Variants in DBT observed in about 807,000 individuals in gnomAD.
The protein encoded by DBT is dihydrolipoamide branched chain transacylase E2, also known as lipoamide acyltransferase component of branched-chain alpha-keto acid dehydrogenase complex, mitochondrial.
A neutral mutation model predicts 51.3 loss-of-function variants in DBT; 40 were observed. The ratio of observed to expected loss-of-function variants is 0.78; its 90% CI spans 0.61 to 1.02. The LOEUF (loss-of-function observed/expected upper bound fraction) is 1.02. Among genes scored for constraint, DBT ranks in the 50% least tolerant of loss-of-function variants. The pLI, the probability that DBT is intolerant of heterozygous loss-of-function variation, is 0.00. For missense variants in DBT, 510 were observed against 580.2 expected (o/e 0.88, Z 1.24); for synonymous variants, 181 against 190.4 (o/e 0.95, Z 0.41).
At chr1:100,213,112 C>T (rs1239066948) in intron 7 of DBT, among the ~76,000 whole-genome samples, 1 of 152,368 alleles carries the variant, frequency 6.6e-6, no homozygotes, top group South Asian at 2.1e-4. Flanking sequence ...ACAAGTTTCT[C>T]AACCTCTCTG....
intron 7 of DBT, among the ~76,000 whole-genome samples, chr1:100,213,063 C>T (rs1005964786): frequency 2.0e-5 from 3 of 152,236 alleles, no homozygotes; most frequent in African/African-American, 7.2e-5. Context: ...CAGACCAGAA[C>T]CTGAAAGAGC....
At chr1:100,247,099 T>C (rs1664584749) in intron 1 of DBT, among the ~76,000 whole-genome samples, 1 of 152,004 alleles carries the variant, frequency 6.6e-6, no homozygotes, top group Non-Finnish European at 1.5e-5. Flanking sequence ...AGAGTTGGGG[T>C]TGGGATGGGT....
intron 3 of DBT, 35 bp downstream of exon 3, chr1:100,235,401 A>T: frequency 2.0e-6 from 2 of 1,014,566 alleles, no homozygotes; most frequent in Non-Finnish European, 3.1e-6. Flanking sequence ...AATTATTTTT[A>T]AATTTACTTA....
chr1:100,226,857 C>T (rs1219923353), intron 4 of DBT, among the ~76,000 whole-genome samples: 1 of 152,158 alleles, frequency 6.6e-6, no homozygotes, highest in Non-Finnish European at 1.5e-5. Flanking sequence ...ATGATTTGAG[C>T]ATTGAGAAGA....
At chr1:100,245,477 C>A (rs1370710661) in intron 1 of DBT, among the ~76,000 whole-genome samples, 1 of 152,162 alleles carries the variant, frequency 6.6e-6, no homozygotes, top group East Asian at 1.9e-4. Flanking sequence ...ACTAAAGACA[C>A]CTAGTTCTAT....
At chr1:100,234,607 G>A (rs1202500002) in intron 3 of DBT, among the ~76,000 whole-genome samples, 6 of 152,126 alleles carry the variant, frequency 3.9e-5, no homozygotes, top group Non-Finnish European at 7.3e-5. Flanking sequence ...GGTTGGCAGA[G>A]CAAGTACTAT....
chr1:100,245,218 T>A (rs1256838138), intron 1 of DBT, among the ~76,000 whole-genome samples: 2 of 146,984 alleles, frequency 1.4e-5, no homozygotes, highest in African/African-American at 4.9e-5. Flanking sequence ...CAAATAATAA[T>A]AATAATAATA....
At chr1:100,249,435 G>A (rs572262501) in intron 1 of DBT, 112 of 449,234 alleles carry the variant, frequency 2.5e-4, no homozygotes, top group Non-Finnish European at 4.4e-4. Context: ...CGCAATAAAT[G>A]CTAAACGAAT....
chr1:100,242,868 T>C (rs1664301356), intron 1 of DBT, among the ~76,000 whole-genome samples: 1 of 152,198 alleles, frequency 6.6e-6, no homozygotes, highest in Non-Finnish European at 1.5e-5. Flanking sequence ...TAGAAGGTCT[T>C]ACCTTCAACA....
intron 8 of DBT, among the ~76,000 whole-genome samples, chr1:100,206,878 G>A (rs1309088892): frequency 6.6e-6 from 1 of 152,190 alleles, no homozygotes; most frequent in Non-Finnish European, 1.5e-5. Context: ...GAGGTCATGA[G>A]TTCAAGACCA....
intron 7 of DBT, chr1:100,213,636 G>A: frequency 3.7e-6 from 6 of 1,609,402 alleles, no homozygotes; most frequent in Non-Finnish European, 4.2e-6. Context: ...TTGAGGGAGC[G>A]AAGATGCCCC....
At chr1:100,231,733 C>CAACA (rs1021107427) in intron 3 of DBT, among the ~76,000 whole-genome samples, 79 of 152,212 alleles carry the variant, frequency 5.2e-4, no homozygotes, top group African/African-American at 1.9e-3. Context: ...TCCATATGAG[C>CAACA]AACAAGTACA....
chr1:100,232,207 G>C (rs1253144268), intron 3 of DBT, among the ~76,000 whole-genome samples: 2 of 152,096 alleles, frequency 1.3e-5, no homozygotes, highest in Non-Finnish European at 2.9e-5. Flanking sequence ...TGATAGACTG[G>C]GTATATTAAA....
chr1:100,237,568 G>A (rs1663948192), intron 2 of DBT, among the ~76,000 whole-genome samples: 1 of 152,158 alleles, frequency 6.6e-6, no homozygotes. Flanking sequence ...CGGGGAGTGG[G>A]TGGCAGAGGC....
At chr1:100,247,109 T>C (rs977381927) in intron 1 of DBT, among the ~76,000 whole-genome samples, 26 of 152,172 alleles carry the variant, frequency 1.7e-4, no homozygotes, top group African/African-American at 6.3e-4. Flanking sequence ...TTGGGATGGG[T>C]AGGTTTTGGT....
In DBT at chr1:100,191,781, CACACACACACACACACACACACACACAG is replaced by C. The variant is rs1660822489; in HGVS notation, c.*4446_*4473del. 1 of 37,116 alleles carries C rather than the reference CACACACACACACACACACACACACACAG, an allele frequency of 2.7e-5. No individual in the cohort carries two copies. The highest frequency in any genetic ancestry group is 7.7e-5 in the Non-Finnish European group (1 of 13,054). The allele number at this position is 37,116 out of a possible 1,614,324, so 2.3% of individuals were successfully genotyped here. A position where few individuals can be genotyped will look rare whatever the true frequency, so the allele number is the denominator to read the frequency against. ...ACACACACACACACACACACACACACACACACACACACACACACACACACACAGAGTCTTGCTCTGTCGCCCAGGCTGG... is the reference window on the plus strand; with the variant it reads ...ACACACACACACACACACACACACACAGTCTTGCTCTGTCGCCCAGGCTGG... On this transcript the variant is annotated 3_prime_UTR_variant, in exon 11 of 11. Transcript: ENST00000370132.
intron 10 of DBT, among the ~76,000 whole-genome samples, chr1:100,198,746 C>T (rs1661252689): frequency 6.6e-6 from 1 of 152,072 alleles, no homozygotes; most frequent in Admixed American, 6.6e-5. Flanking sequence ...TCCCTATCTC[C>T]TCTGCTTGCC....
chr1:100,190,248 T>TA lies in DBT; in HGVS notation c.*6006_*6007insT, dbSNP rs1427803149. On this transcript the variant is annotated 3_prime_UTR_variant, in exon 11 of 11. Transcript: ENST00000370132. ...TGGAACACTGGCTCCTTCTATCTTG[T>TA]GTGGTGCCATCTTCAACCTTGAAGG... 1 of 152,246 alleles carries TA rather than the reference T, an allele frequency of 6.6e-6. No homozygotes were observed. The highest frequency in any genetic ancestry group is 1.5e-5 in the Non-Finnish European group (1 of 68,046). The allele number at this position is 152,246 out of a possible 1,614,324, so 9.4% of individuals were successfully genotyped here.
chr1:100,230,503 CT>C (rs1210648658), intron 4 of DBT, among the ~76,000 whole-genome samples: 2 of 152,042 alleles, frequency 1.3e-5, no homozygotes, highest in East Asian at 1.9e-4. Flanking sequence ...TTGCTATTGC[CT>C]TTTCCCCCCC....
Sources: allele counts gnomAD v4.1 joint callset (sites outside exome capture counted in the v4.1 genomes callset), GRCh38; gene constraint gnomAD v4.1.1; transcripts MANE v1.5; gene names NCBI Gene and HGNC (gene_info 2026-07-23, HGNC 2026-07-21).